HLA-B: variants seen among roughly 807,000 people sequenced by gnomAD.
HLA-B encodes major histocompatibility complex, class I, B.
HLA-B carries 31 observed loss-of-function variants against 41.5 expected under a neutral mutation model. The ratio of observed to expected loss-of-function variants is 0.75; its 90% confidence interval spans 0.56 to 1.01. The LOEUF (loss-of-function observed/expected upper bound fraction) is 1.01. Among genes scored for constraint, HLA-B ranks in the 50% least tolerant of loss-of-function variants. The pLI, the probability that HLA-B is intolerant of heterozygous loss-of-function variation, is 0.00. For missense variants in HLA-B, 369 were observed against 457.2 expected (o/e 0.81, Z 1.76); for synonymous variants, 138 against 189.0 (o/e 0.73, Z 2.21).
intron 7 of HLA-B, 48 bp downstream of exon 7, chr6:31,354,431 C>CCCCCCCCCCCCCCCCCCCAA: frequency 2.8e-6 from 1 of 362,280 alleles, no homozygotes; most frequent in South Asian, 2.3e-5. Flanking sequence ...CTGCCCCACC[C>CCCCCCCCCCCCCCCCCCCAA]ACCCCCAGAC....
Position 31,354,260 on chromosome 6 carries a change from C to G in HLA-B, c.*41G>C. On this transcript the variant is annotated 3_prime_UTR_variant, in exon 8 of 8. Coordinates refer to ENST00000412585, the MANE Select transcript of HLA-B (RefSeq NM_005514.8). Reference sequence around the variant, plus strand: ...TCACAAAGGGGAGGCGTGAAGAAATCCTGCATCTCAGTCCCTCACAAGACA... The same window carrying G: ...TCACAAAGGGGAGGCGTGAAGAAATGCTGCATCTCAGTCCCTCACAAGACA... 1.6e-6 allele frequency: 1 copy of G among 641,342 alleles called. No homozygotes were observed. Among genetic ancestry groups the G allele is most frequent in the South Asian group, 1.5e-5 (1 of 66,498 alleles). The allele number at this position is 641,342 out of a possible 1,614,324, so 39.7% of individuals were successfully genotyped here. A position where few individuals can be genotyped will look rare whatever the true frequency, so the allele number is the denominator to read the frequency against.
chr6:31,354,485 A>G lies in HLA-B; in HGVS notation c.1087T>C (p.Ter363ArgextTer3). The change falls in exon 7 of 8, where the codon TGA becomes CGA. Residue 363 changes from the stop codon to arginine, a stop_lost. Coordinates refer to ENST00000412585, the MANE Select transcript of HLA-B (RefSeq NM_005514.8). ...TAGACCCCAAGAATCTCACCTTTTC[A>G]AGCTGTGAGAGACACATCAGAGCCC... ...AQGSDVSLTA[*>R] is the part of the protein sequence containing the mutation. 7.8e-7 allele frequency: 1 copy of G among 1,276,284 alleles called. No individual in the cohort carries two copies. Among genetic ancestry groups the G allele is most frequent in the Non-Finnish European group, 1.0e-6 (1 of 973,964 alleles). The allele number at this position is 1,276,284 out of a possible 1,614,324, so 79.1% of individuals were successfully genotyped here.
Position 31,356,241 on chromosome 6 carries a change from GCT to G in HLA-B, c.543_544del (p.Arg181SerfsTer26). The stretch of plus-strand genomic sequence containing the variant: ...CTCCACGCACTCGCCCTCCAGGTAG[GCT>G]CTCCGCTGCTCCGCCTCACGGGCCG... On this transcript the variant is annotated frameshift_variant, in exon 3 of 8. Coordinates refer to ENST00000412585, the MANE Select transcript of HLA-B (RefSeq NM_005514.8). LOFTEE classifies it high-confidence loss of function. 7.8e-7 allele frequency: 1 copy of G among 1,283,010 alleles called. No homozygotes were observed. The highest frequency in any genetic ancestry group is 1.0e-6 in the Non-Finnish European group (1 of 975,256). 79.5% of individuals were successfully genotyped at this position (1,283,010 alleles called of 1,614,324 possible).
At chr6:31,356,642 G>T in intron 2 of HLA-B, 46 bp downstream of exon 2, 1 of 1,429,612 alleles carries the variant, frequency 7.0e-7, no homozygotes, top group Non-Finnish European at 9.5e-7. Flanking sequence ...GGCCGTACGT[G>T]GGGGATGGGG....
chr6:31,356,467 C>T (rs1562169965), intron 2 of HLA-B, 25 bp from the exon 3 acceptor site: 1 of 722,632 alleles, frequency 1.4e-6, no homozygotes, highest in South Asian at 2.3e-5. Context: ...GCGGTCAGCC[C>T]AGTCCCCCGA....
At chr6:31,354,437 CAG>C (rs747681967) in intron 7 of HLA-B, 40 bp downstream of exon 7, 46 of 339,678 alleles carry the variant, frequency 1.4e-4, no homozygotes, top group Middle Eastern at 2.6e-3. Context: ...CACCCACCCC[CAG>C]ACCCGCCACC....
Position 31,355,188 on chromosome 6 carries a change from T to C in HLA-B, c.931A>G (p.Ile311Val). The change falls in exon 5 of 8, where the codon ATT becomes GTT. Residue 311 changes from isoleucine to valine, a missense_variant. This residue lies in a region of HLA-B where 115 missense variants were observed against 78.7 expected (regional missense o/e 1.46). Transcript: ENST00000412585. The stretch of plus-strand genomic sequence containing the variant: ...GCTAGGACAGCCAGGCCAGCAACAA[T>C]GCCCACGATGGGGACGGTGGACTGG... ...SSQSTVPIVG[I>V]VAGLAVLAVV... 2 of 1,215,680 alleles carry C rather than the reference T, an allele frequency of 1.6e-6. 1 individual carries two copies. Among genetic ancestry groups the C allele is most frequent in the East Asian group, 8.8e-5 (2 of 22,640 alleles). 75.3% of individuals were successfully genotyped at this position (1,215,680 alleles called of 1,614,324 possible).
At chr6:31,356,138 T>C (rs1327217616) in intron 3 of HLA-B, 29 bp downstream of exon 3, 2 of 1,312,550 alleles carry the variant, frequency 1.5e-6, no homozygotes, top group Non-Finnish European at 2.0e-6. Flanking sequence ...CTATAGGAGA[T>C]GGGGAAGGCT....
In HLA-B at chr6:31,355,959, T is replaced by A. The variant is rs41552112; in HGVS notation, c.619+208A>T. On this transcript the variant is annotated intron_variant, in intron 3 of 7. Transcript: ENST00000412585. ...CCCCTGATCAGTATTCTAGGGACTG[T>A]CTTCCCCTCCATTTCCTCAGAGACG... 8.8e-3 allele frequency: 3,853 copies of A among 437,004 alleles called. 71 individuals are homozygous for A. The Middle Eastern group carries it at 0.098, about 11-fold the overall frequency. 27.1% of individuals were successfully genotyped at this position (437,004 alleles called of 1,614,324 possible).
chr6:31,356,992 CT>C, intron 1 of HLA-B, 35 bp from the exon 2 acceptor site: 1 of 942,378 alleles, frequency 1.1e-6, no homozygotes, highest in South Asian at 2.0e-5. Flanking sequence ...CCGCCCGACC[CT>C]CCTCCCGGCG....
Position 31,354,489 on chromosome 6 carries a change from T to A in HLA-B, c.1083A>T (p.Thr361=). 8.3e-7 allele frequency: 1 copy of A among 1,200,102 alleles called. No individual in the cohort carries two copies. The highest frequency in any genetic ancestry group is 1.3e-5 in the South Asian group (1 of 75,002). The allele number at this position is 1,200,102 out of a possible 1,614,324, so 74.3% of individuals were successfully genotyped here. A position where few individuals can be genotyped will look rare whatever the true frequency, so the allele number is the denominator to read the frequency against. ...CCCCAAGAATCTCACCTTTTCAAGCTGTGAGAGACACATCAGAGCCCTGGG... is the reference window on the plus strand; with the variant it reads ...CCCCAAGAATCTCACCTTTTCAAGCAGTGAGAGACACATCAGAGCCCTGGG... The part of the protein sequence containing the change: ...DSAQGSDVSL[T]A The change falls in exon 7 of 8, where the codon ACA becomes ACT. Residue 361 remains threonine (T), a synonymous_variant. Coordinates refer to ENST00000412585, the MANE Select transcript of HLA-B (RefSeq NM_005514.8).
rs1360084141 is a variant in HLA-B, at chr6:31,357,120, G to C, written c.39C>G (p.Leu13=). 4 of 894,098 alleles carry C rather than the reference G, an allele frequency of 4.5e-6. 2 individuals are homozygous for C. The highest frequency in any genetic ancestry group is 5.8e-6 in the Non-Finnish European group (4 of 691,988). The allele number at this position is 894,098 out of a possible 1,614,324, so 55.4% of individuals were successfully genotyped here. The change falls in exon 1 of 8, where the codon CTC becomes CTG. Residue 13 remains leucine, a synonymous_variant. Transcript: ENST00000412585. ...TCTCGGTCAGGGCCAGGGCCGCCGA[G>C]AGCAGCAGGAGGACGGTTCGGGGCG... ...VMAPRTVLLL[L]SAALALTETW...
intron 5 of HLA-B, 178 bp downstream of exon 5, chr6:31,354,929 C>G (rs13214487): frequency 0.041 from 13,012 of 321,012 alleles, 1,709 homozygotes; most frequent in East Asian, 0.088. Flanking sequence ...ATACATCCAT[C>G]CTTCATTGTC....
intron 3 of HLA-B, 45 bp downstream of exon 3, chr6:31,356,122 G>T: frequency 7.6e-7 from 1 of 1,308,564 alleles, no homozygotes; most frequent in Middle Eastern, 2.8e-4. Context: ...GGCCATCCCC[G>T]GCGACCTATA....
chr6:31,354,067 C>A lies in HLA-B; in HGVS notation c.*234G>T. 1 of 346,074 alleles carries A rather than the reference C, an allele frequency of 2.9e-6. No individual in the cohort carries two copies. 21.4% of individuals were successfully genotyped at this position (346,074 alleles called of 1,614,324 possible). A position where few individuals can be genotyped will look rare whatever the true frequency, so the allele number is the denominator to read the frequency against. ...CAGAGATGGAGACATCCAGCCCCAC[C>A]TCTCTGGAACAAGAAAGATGACTGG... On this transcript the variant is annotated 3_prime_UTR_variant, in exon 8 of 8. Coordinates refer to ENST00000412585, the MANE Select transcript of HLA-B (RefSeq NM_005514.8).
At chr6:31,354,417 C>A in intron 7 of HLA-B, 62 bp downstream of exon 7, 1 of 373,746 alleles carries the variant, frequency 2.7e-6, no homozygotes, top group East Asian at 5.5e-5. Flanking sequence ...CAGGCCTTTC[C>A]CCTCTGCCCC....
At position 31,356,125 on chromosome 6, in the gene HLA-B, G is replaced by C. The variant is rs752943646; in HGVS notation, c.619+42C>G. 1.3e-4 allele frequency: 177 copies of C among 1,311,572 alleles called. 1 individual carries two copies. The highest frequency in any genetic ancestry group is 1.7e-4 in the Non-Finnish European group (170 of 1,007,766). The allele number at this position is 1,311,572 out of a possible 1,614,324, so 81.2% of individuals were successfully genotyped here. ...CTTCTCGTGGGAGGCCATCCCCGGC[G>C]ACCTATAGGAGATGGGGAAGGCTCC... On this transcript the variant is annotated intron_variant, in intron 3 of 7. Coordinates refer to ENST00000412585, the MANE Select transcript of HLA-B (RefSeq NM_005514.8).
In HLA-B at chr6:31,357,114, C is replaced by A. The variant is rs1131161; in HGVS notation, c.45G>T (p.Ala15=). 1 of 893,118 alleles carries A rather than the reference C, an allele frequency of 1.1e-6. No homozygotes were observed. Among genetic ancestry groups the A allele is most frequent in the East Asian group, 6.2e-5 (1 of 16,142 alleles). The allele number at this position is 893,118 out of a possible 1,614,324, so 55.3% of individuals were successfully genotyped here. A position where few individuals can be genotyped will look rare whatever the true frequency, so the allele number is the denominator to read the frequency against. Residue 15 remains alanine, a synonymous_variant, in exon 1 of 8, where the codon GCG becomes GCT. Coordinates refer to ENST00000412585, the MANE Select transcript of HLA-B (RefSeq NM_005514.8). ...CCCAGGTCTCGGTCAGGGCCAGGGCCGCCGAGAGCAGCAGGAGGACGGTTC... is the reference window on the plus strand; with the variant it reads ...CCCAGGTCTCGGTCAGGGCCAGGGCAGCCGAGAGCAGCAGGAGGACGGTTC... ...APRTVLLLLS[A]ALALTETWAG...
rs1018594785 is a variant in HLA-B at position 31,354,005 on chromosome 6, A to C, written c.*296T>G. 56 of 317,692 alleles carry C rather than the reference A, an allele frequency of 1.8e-4. No individual in the cohort carries two copies. The highest frequency in any genetic ancestry group is 1.9e-4 in the Admixed American group (4 of 21,442). The allele number at this position is 317,692 out of a possible 1,614,324, so 19.7% of individuals were successfully genotyped here. A position where few individuals can be genotyped will look rare whatever the true frequency, so the allele number is the denominator to read the frequency against. On this transcript the variant is annotated 3_prime_UTR_variant, in exon 8 of 8. Coordinates refer to ENST00000412585, the MANE Select transcript of HLA-B (RefSeq NM_005514.8). ...TTCAGATTCTTATTTTCAGTAGGGA[A>C]GTAAGAAGTTGCAGCTCAGTGCACG...
Sources: allele counts gnomAD v4.1 joint callset, GRCh38; gene constraint gnomAD v4.1.1; regional missense constraint gnomAD v4.1.1; transcripts MANE v1.5; gene names NCBI Gene and HGNC (gene_info 2026-07-23, HGNC 2026-07-21).